Variants in DOCK5 observed in about 807,000 individuals in gnomAD.
DOCK5 encodes the protein dedicator of cytokinesis protein 5.
A neutral mutation model predicts 251.8 loss-of-function variants in DOCK5; 142 were observed. That is an observed-to-expected ratio of 0.56 (90% confidence interval 0.49 to 0.65). The LOEUF is 0.65. Among genes scored for constraint, DOCK5 ranks in the 30% least tolerant of loss-of-function variants. The pLI is 0.00. For missense variants in DOCK5, 2,111 were observed against 2,312.3 expected, an observed-to-expected ratio of 0.91 and a Z score of 1.79; for synonymous variants, 842 against 835.5, an observed-to-expected ratio of 1.01 and a Z score of -0.13.
rs112530650 is a variant in DOCK5, at chr8:25,333,794, G to A, written c.2092-302G>A. Among the ~76,000 whole-genome samples the A allele has an allele frequency of 3.9e-3, 591 of 152,278 alleles. 9 individuals carry two copies. Among genetic ancestry groups the A allele is most frequent in the African/African-American group, 0.014 (566 of 41,554 alleles). ...TTCCAGAGCCTCCTTCCTCCTGCCCGTTAGGTTACCTGGGCATCGACTCCC... is the reference window on the plus strand; with the variant it reads ...TTCCAGAGCCTCCTTCCTCCTGCCCATTAGGTTACCTGGGCATCGACTCCC... On this transcript the variant is annotated intron_variant, in intron 20 of 51. Coordinates refer to ENST00000276440, the MANE Select transcript of DOCK5 (RefSeq NM_024940.8).
intron 48 of DOCK5, among the ~76,000 whole-genome samples, chr8:25,404,407 G>C (rs372367844): frequency 6.6e-6 from 1 of 152,084 alleles, no homozygotes; most frequent in African/African-American, 2.4e-5. Flanking sequence ...AAAATGCTTG[G>C]GGCCCGAAGT....
In DOCK5 at chr8:25,304,259, G is replaced by T; in HGVS notation, c.981G>T (p.Met327Ile). The T allele has an allele frequency of 6.2e-7, 1 of 1,602,254 alleles. No individual in the cohort carries two copies. ...TGAAGTTTATCTTTTTCCTAGTGAT[G>T]GATATTACTGATATCATACATGGGA... is the stretch of plus-strand genomic sequence containing the variant. ...GLRRPFGVAV[M>I]DITDIIHGKV... The change falls in exon 11 of 52, where the codon ATG (methionine) becomes ATT (isoleucine). Residue 327 changes from methionine (M) to isoleucine (I), a missense_variant. Around this residue, in one of 3 missense-constraint regions of DOCK5, gnomAD observed 59 missense variants for 95.0 expected, o/e 0.62. Coordinates refer to ENST00000276440, the MANE Select transcript of DOCK5 (RefSeq NM_024940.8).
chr8:25,376,104 A>AAAC (rs1491519782), intron 37 of DOCK5: 1 of 177,588 alleles, frequency 5.6e-6, no homozygotes, highest in African/African-American at 2.5e-4. Context: ...GTCTCAAAAG[A>AAAC]AAAAAAAAAA....
intron 1 of DOCK5, 21 bp downstream of exon 1, chr8:25,184,972 G>A: frequency 7.3e-7 from 1 of 1,365,778 alleles, no homozygotes; most frequent in Non-Finnish European, 9.5e-7. Context: ...GCCCCACCTT[G>A]TCCCGGCCCG....
At chr8:25,271,171 T>TC (rs1563332807) in intron 3 of DOCK5, 1 of 229,190 alleles carries the variant, frequency 4.4e-6, no homozygotes, top group African/African-American at 2.2e-5. Flanking sequence ...TGGATTTTTT[T>TC]TAAATTTTTT....
intron 51 of DOCK5, among the ~76,000 whole-genome samples, chr8:25,410,727 A>G (rs1368224972): frequency 7.0e-6 from 1 of 142,734 alleles, no homozygotes; most frequent in African/African-American, 2.5e-5. Flanking sequence ...TCAGCCTTCC[A>G]AAGTGCTGAG....
intron 1 of DOCK5, among the ~76,000 whole-genome samples, chr8:25,205,723 C>G (rs1448444652): frequency 6.6e-6 from 1 of 152,112 alleles, no homozygotes; most frequent in African/African-American, 2.4e-5. Flanking sequence ...GTTTGCAGGT[C>G]TAGAATTGTA....
intron 27 of DOCK5, among the ~76,000 whole-genome samples, chr8:25,358,544 G>GTGTTGCCACCTCTTTTCC (rs1800618784): frequency 6.6e-6 from 1 of 152,136 alleles, no homozygotes; most frequent in Admixed American, 6.6e-5. Flanking sequence ...TTCATGCTCA[G>GTGTTGCCACCTCTTTTCC]TGTTGCCACC....
At chr8:25,287,886 CTTT>C (rs397892746) in intron 5 of DOCK5, among the ~76,000 whole-genome samples, 5 of 138,796 alleles carry the variant, frequency 3.6e-5, no homozygotes, top group Admixed American at 7.3e-5. Context: ...AGCATATGCT[CTTT>C]TTTTTTTTTT....
chr8:25,408,204 T>C lies in DOCK5; in HGVS notation c.5265+50T>C, dbSNP rs1182761769. On this transcript the variant is annotated intron_variant, in intron 49 of 51. Coordinates refer to ENST00000276440, the MANE Select transcript of DOCK5 (RefSeq NM_024940.8). ...AAATCTCTGGAGGCTTGCCCCCCTC[T>C]CCCCTGTACCCAGGCATATCACCAT... is the stretch of plus-strand genomic sequence containing the variant. 4.0e-6 allele frequency: 6 copies of C among 1,515,100 alleles called. No individual in the cohort carries two copies. The South Asian group carries it at 7.6e-5, about 19-fold the overall frequency. 93.9% of individuals were successfully genotyped at this position (1,515,100 alleles called of 1,614,324 possible). A position where few individuals can be genotyped will look rare whatever the true frequency, so the allele number is the denominator to read the frequency against.
intron 31 of DOCK5, 49 bp from the exon 32 acceptor site, chr8:25,368,143 A>G (rs368199215): frequency 4.2e-6 from 6 of 1,437,368 alleles, no homozygotes; most frequent in South Asian, 1.2e-5. Flanking sequence ...TGTTTATGCA[A>G]TTCATTTCTA....
intron 26 of DOCK5, among the ~76,000 whole-genome samples, chr8:25,349,490 T>C (rs1800428908): frequency 6.6e-6 from 1 of 152,170 alleles, no homozygotes; most frequent in African/African-American, 2.4e-5. Flanking sequence ...GCAGCACAAT[T>C]TGCAATAGCA....
chr8:25,254,160 G>A (rs941522859), intron 2 of DOCK5, among the ~76,000 whole-genome samples: 4 of 152,092 alleles, frequency 2.6e-5, no homozygotes, highest in African/African-American at 4.8e-5. Flanking sequence ...TTAACAAATC[G>A]TGCTGGAACA....
chr8:25,196,549 A>G (rs17053187), intron 1 of DOCK5, among the ~76,000 whole-genome samples: 21,803 of 152,218 alleles, frequency 0.14, 2,537 homozygotes, highest in African/African-American at 0.33. Context: ...GGTTACTCAA[A>G]CATTAGTCTG....
chr8:25,221,418 C>T (rs1802384862), intron 1 of DOCK5, among the ~76,000 whole-genome samples: 1 of 152,168 alleles, frequency 6.6e-6, no homozygotes, highest in South Asian at 2.1e-4. Flanking sequence ...AAGCAATTCT[C>T]CTGCCTCAGC....
chr8:25,382,936 C>G (rs1039706912), intron 40 of DOCK5, among the ~76,000 whole-genome samples, 158 bp downstream of exon 40: 1 of 149,348 alleles, frequency 6.7e-6, no homozygotes, highest in African/African-American at 2.5e-5. Context: ...GCCTCTTCAC[C>G]CCACACCCCC....
chr8:25,320,893 T>C, intron 15 of DOCK5, 87 bp from the exon 16 acceptor site: 3 of 1,159,068 alleles, frequency 2.6e-6, no homozygotes, highest in Non-Finnish European at 2.5e-6. Flanking sequence ...CTGTGGAAAG[T>C]ATAAAATTGA....
chr8:25,333,207 G>C (rs1406685089), intron 20 of DOCK5, among the ~76,000 whole-genome samples: 1 of 152,192 alleles, frequency 6.6e-6, no homozygotes, highest in Non-Finnish European at 1.5e-5. Context: ...GAAAGCCAGA[G>C]GTGAGGGTGG....
Position 25,203,792 on chromosome 8 carries a change from G to A in DOCK5, c.43+18841G>A, listed in dbSNP as rs143922215. On this transcript the variant is annotated intron_variant, in intron 1 of 51. Coordinates refer to ENST00000276440, the MANE Select transcript of DOCK5 (RefSeq NM_024940.8). The stretch of plus-strand genomic sequence containing the variant: ...TTTTTTCTTTTATTTGCCTTTTTTC[G>A]CCTCTCTTTACTTTTGGTTTAATGT... Among the ~76,000 whole-genome samples, 377 of 152,100 alleles carry A rather than the reference G, an allele frequency of 2.5e-3. 9 individuals are homozygous for A. In the East Asian group the frequency reaches 0.055, roughly 22 times the overall value.
Sources: allele counts gnomAD v4.1 joint callset (sites outside exome capture counted in the v4.1 genomes callset), GRCh38; gene constraint gnomAD v4.1.1; regional missense constraint gnomAD v4.1.1; transcripts MANE v1.5; gene names NCBI Gene and HGNC (gene_info 2026-07-23, HGNC 2026-07-21).